Variants in MTMR7 observed in about 807,000 individuals in gnomAD.
The protein encoded by MTMR7 is myotubularin related protein 7.
In MTMR7, 76 loss-of-function variants were observed where a neutral mutation model predicts 81.2. That is an observed-to-expected ratio of 0.94 (90% CI 0.78 to 1.13). MTMR7 has a LOEUF of 1.13. Ranked by LOEUF, MTMR7 falls within the 50% of genes most tolerant of loss-of-function variation. The pLI, the probability that MTMR7 is intolerant of heterozygous loss-of-function variation, is 0.00. For synonymous variants in MTMR7, 372 were observed against 289.8 expected, an observed-to-expected ratio of 1.28 and a Z score of -2.88; for missense variants, 1,044 against 820.0, an observed-to-expected ratio of 1.27 and a Z score of -3.34.
intron 1 of MTMR7, among the ~76,000 whole-genome samples, chr8:17,410,880 C>G (rs1287753153): frequency 2.6e-5 from 4 of 152,148 alleles, no homozygotes; most frequent in Non-Finnish European, 4.4e-5. Context: ...ACTCTACTAC[C>G]CACACAGTAA....
At chr8:17,365,887 T>A (rs1371190390) in intron 3 of MTMR7, among the ~76,000 whole-genome samples, 1 of 152,188 alleles carries the variant, frequency 6.6e-6, no homozygotes. Context: ...AGTTTGGCTG[T>A]TTCTAGGAAG....
At position 17,321,956 on chromosome 8, in the gene MTMR7, G is replaced by A. The variant is rs150101526; in HGVS notation, c.866-8555C>T. 3.0e-3 allele frequency among the ~76,000 whole-genome samples: 457 copies of A among 152,312 alleles called. 2 individuals are homozygous for A. The highest frequency in any genetic ancestry group is 0.01 in the African/African-American group (435 of 41,568). ...AATAAGCCTCAGATAATCTGCCTTA[G>A]GTATTTCCTATACCACTCTTATTTT... On this transcript the variant is annotated intron_variant, in intron 7 of 13. Transcript: ENST00000180173.
At chr8:17,333,510 A>G (rs1819119581) in intron 6 of MTMR7, among the ~76,000 whole-genome samples, 1 of 152,200 alleles carries the variant, frequency 6.6e-6, no homozygotes, top group African/African-American at 2.4e-5. Context: ...ATTCAAGTGA[A>G]GCCTATTCAC....
rs769097635 is a variant in MTMR7, at chr8:17,348,943, C to T, written c.597+10G>A. 3.9e-5 allele frequency: 63 copies of T among 1,613,454 alleles called. No individual in the cohort carries two copies. In the South Asian group the frequency reaches 4.5e-4, roughly 12 times the overall value. On this transcript the variant is annotated intron_variant, in intron 5 of 13. Coordinates refer to ENST00000180173, the MANE Select transcript of MTMR7 (RefSeq NM_004686.5). The stretch of plus-strand genomic sequence containing the variant: ...CAAAGTGTAAAACAAAAACACGCCT[C>T]GAGACTTACGTGGTTATCTTTATAA...
At chr8:17,402,865 A>G (rs947471279) in intron 1 of MTMR7, among the ~76,000 whole-genome samples, 1 of 152,208 alleles carries the variant, frequency 6.6e-6, no homozygotes, top group Non-Finnish European at 1.5e-5. Context: ...TCCCACCAAC[A>G]GTGCATGAGA....
At chr8:17,364,775 CATT>C (rs1333179885) in intron 3 of MTMR7, among the ~76,000 whole-genome samples, 1 of 152,214 alleles carries the variant, frequency 6.6e-6, no homozygotes. Flanking sequence ...AATAGCATTC[CATT>C]ATTTGTATAT....
chr8:17,383,421 A>C (rs1820823154), intron 1 of MTMR7, among the ~76,000 whole-genome samples: 1 of 152,208 alleles, frequency 6.6e-6, no homozygotes, highest in South Asian at 2.1e-4. Context: ...TGCTACTTCT[A>C]ACCTTAGCTG....
intron 7 of MTMR7, among the ~76,000 whole-genome samples, chr8:17,314,235 G>A (rs1037294468): frequency 2.6e-5 from 4 of 152,250 alleles, no homozygotes; most frequent in Non-Finnish European, 5.9e-5. Context: ...CTATTGAGGA[G>A]TCTTATCAAT....
chr8:17,301,988 G>A (rs939329941), intron 13 of MTMR7, 166 bp downstream of exon 13: 2 of 829,576 alleles, frequency 2.4e-6, no homozygotes, highest in South Asian at 4.0e-5. Context: ...CTAGGTTTGG[G>A]CTTCGGTTAT....
rs117203839 is a variant in MTMR7 at position 17,345,915 on chromosome 8, T to C, written c.597+3038A>G. Reference sequence around the variant, plus strand: ...AATGTAGTATCCTTATTCATAAGCATAAATTCTTTGGGGGTAGGAATACAT... The same window carrying C: ...AATGTAGTATCCTTATTCATAAGCACAAATTCTTTGGGGGTAGGAATACAT... On this transcript the variant is annotated intron_variant, in intron 5 of 13. Coordinates refer to ENST00000180173, the MANE Select transcript of MTMR7 (RefSeq NM_004686.5). 5.9e-5 allele frequency: 9 copies of C among 152,338 alleles called. No homozygotes were observed. In the East Asian group the frequency reaches 1.7e-3, roughly 29 times the overall value. 9.4% of individuals were successfully genotyped at this position (152,338 alleles called of 1,614,324 possible). A position where few individuals can be genotyped will look rare whatever the true frequency, so the allele number is the denominator to read the frequency against.
intron 7 of MTMR7, among the ~76,000 whole-genome samples, chr8:17,318,184 CAT>C (rs777682478): frequency 9.9e-5 from 15 of 152,106 alleles, no homozygotes; most frequent in East Asian, 3.9e-4. Flanking sequence ...TAGTCTCACA[CAT>C]GTTTGGGATC....
At chr8:17,362,504 A>C (rs1989760) in intron 3 of MTMR7, among the ~76,000 whole-genome samples, 14,651 of 152,190 alleles carry the variant, frequency 0.096, 992 homozygotes, top group Non-Finnish European at 0.15. Flanking sequence ...CCGACGAGAA[A>C]TCTGACGCAA....
chr8:17,348,009 A>C (rs1322643068), intron 5 of MTMR7, among the ~76,000 whole-genome samples: 1 of 152,170 alleles, frequency 6.6e-6, no homozygotes, highest in Admixed American at 6.5e-5. Context: ...AAGGAGCTTG[A>C]GTACCTGAAG....
chr8:17,368,265 G>A (rs1820297181), intron 3 of MTMR7, among the ~76,000 whole-genome samples: 1 of 152,156 alleles, frequency 6.6e-6, no homozygotes, highest in African/African-American at 2.4e-5. Context: ...CTCACCTCCT[G>A]CTGTGCTGTG....
At chr8:17,308,931 C>G (rs1026943027) in intron 10 of MTMR7, among the ~76,000 whole-genome samples, 9 of 152,196 alleles carry the variant, frequency 5.9e-5, no homozygotes, top group African/African-American at 2.2e-4. Context: ...CAGTTCACAA[C>G]TTGCAGACTA....
intron 7 of MTMR7, among the ~76,000 whole-genome samples, chr8:17,315,319 G>C (rs1818006999): frequency 6.6e-6 from 1 of 152,148 alleles, no homozygotes; most frequent in African/African-American, 2.4e-5. Context: ...AAAAAAATCA[G>C]CGGCTGCCAG....
intron 11 of MTMR7, among the ~76,000 whole-genome samples, chr8:17,304,746 C>CGTGTGTGTGTGTGTGT (rs10527892): frequency 0.027 from 3,984 of 147,008 alleles, 141 homozygotes; most frequent in African/African-American, 0.073. Context: ...GTGTTCGATT[C>CGTGTGTGTGTGTGTGT]GTGTGTGTGT....
chr8:17,311,372 T>G, intron 9 of MTMR7, 139 bp downstream of exon 9: 3 of 1,100,106 alleles, frequency 2.7e-6, no homozygotes, highest in Non-Finnish European at 3.9e-6. Context: ...AATCTTGATC[T>G]CTTCCCCTTT....
intron 5 of MTMR7, among the ~76,000 whole-genome samples, chr8:17,345,118 C>T (rs1347410474): frequency 6.6e-6 from 1 of 152,200 alleles, no homozygotes; most frequent in African/African-American, 2.4e-5. Context: ...AGGGAGCCCA[C>T]GTGGCTCTAC....
Sources: gnomAD v4.1 joint callset for allele counts (sites outside exome capture counted in the v4.1 genomes callset) on GRCh38, gnomAD v4.1.1 for gene constraint, MANE v1.5 for transcripts, NCBI Gene and HGNC (gene_info 2026-07-23, HGNC 2026-07-21) for gene names.